COP1: variants seen among roughly 807,000 people sequenced by gnomAD.
The protein encoded by COP1 is COP1 E3 ubiquitin ligase, also known as E3 ubiquitin-protein ligase COP1.
In COP1, 24 loss-of-function variants were observed where a neutral mutation model predicts 101.3. That is an observed-to-expected ratio of 0.24 (90% CI 0.17 to 0.33). The LOEUF is 0.33. Among genes scored for constraint, COP1 ranks in the 10% least tolerant of loss-of-function variants. COP1 has a pLI of 1.00. For synonymous variants in COP1, 347 were observed against 341.9 expected (o/e 1.01, Z -0.17); for missense variants, 663 against 906.2 (o/e 0.73, Z 3.45).
At chr1:175,953,591 T>TA in intron 18 of COP1, among the ~76,000 whole-genome samples, 1 of 151,562 alleles carries the variant, frequency 6.6e-6, no homozygotes, top group Non-Finnish European at 1.5e-5. Flanking sequence ...GACCCTGTCT[T>TA]AAAAAAATAA....
chr1:176,095,245 A>T (rs1682115814), intron 9 of COP1, among the ~76,000 whole-genome samples: 1 of 152,248 alleles, frequency 6.6e-6, no homozygotes, highest in South Asian at 2.1e-4. Flanking sequence ...AGATTTAATG[A>T]CTAGCTTTAA....
At chr1:176,163,043 A>G in intron 4 of COP1, 55 bp from the exon 5 acceptor site, 1 of 1,509,184 alleles carries the variant, frequency 6.6e-7, no homozygotes, top group East Asian at 2.3e-5. Context: ...TGTTTTAGAG[A>G]CTAAAACAAA....
rs116618089 is a variant in COP1, at chr1:175,984,967, G to A, written c.2133+1976C>T. Among the ~76,000 whole-genome samples, 1,013 of 152,248 alleles carry A rather than the reference G, an allele frequency of 6.7e-3. 9 individuals carry two copies. The highest frequency in any genetic ancestry group is 0.023 in the African/African-American group (961 of 41,538). ...TGCTGATGATTTTACAGACTCATAGGCAGAAGGGACTTGGCTTATCTCAGA... is the reference window on the plus strand; with the variant it reads ...TGCTGATGATTTTACAGACTCATAGACAGAAGGGACTTGGCTTATCTCAGA... On this transcript the variant is annotated intron_variant, in intron 18 of 19. Coordinates refer to ENST00000367669, the MANE Select transcript of COP1 (RefSeq NM_022457.7).
At chr1:176,118,688 C>G (rs1686605569) in intron 8 of COP1, among the ~76,000 whole-genome samples, 1 of 152,100 alleles carries the variant, frequency 6.6e-6, no homozygotes, top group Non-Finnish European at 1.5e-5. Context: ...CTCAAATGGT[C>G]AAGGCTGCAA....
chr1:176,173,986 C>CAAAAAAAAAAAAAAAAAAAA (rs1212803591), intron 3 of COP1, among the ~76,000 whole-genome samples: 7 of 49,074 alleles, frequency 1.4e-4, no homozygotes, highest in African/African-American at 4.7e-4. Context: ...GATGCTGTCT[C>CAAAAAAAAAAAAAAAAAAAA]AAAAAAAAAA....
intron 15 of COP1, among the ~76,000 whole-genome samples, chr1:176,003,095 T>C (rs1364322139): frequency 8.5e-4 from 127 of 148,882 alleles, no homozygotes; most frequent in Non-Finnish European, 1.4e-3. Flanking sequence ...ATTTGCATTT[T>C]TCTGATGGCC....
At chr1:175,960,840 T>C (rs753610027) in intron 18 of COP1, among the ~76,000 whole-genome samples, 1 of 152,204 alleles carries the variant, frequency 6.6e-6, no homozygotes, top group Non-Finnish European at 1.5e-5. Context: ...AAAGGGATAC[T>C]TAGAGAACTG....
intron 8 of COP1, among the ~76,000 whole-genome samples, chr1:176,123,616 T>C (rs1687503225): frequency 6.6e-6 from 1 of 152,176 alleles, no homozygotes; most frequent in Admixed American, 6.5e-5. Flanking sequence ...ACTTGATTTT[T>C]AACTTTTCCG....
chr1:176,126,466 CTTT>C (rs1173236389), intron 8 of COP1, among the ~76,000 whole-genome samples: 1 of 151,054 alleles, frequency 6.6e-6, no homozygotes, highest in Non-Finnish European at 1.5e-5. Flanking sequence ...TTTTTCTTTT[CTTT>C]TTTTTTGAGA....
At chr1:176,103,491 G>A (rs971099780) in intron 9 of COP1, among the ~76,000 whole-genome samples, 1 of 152,190 alleles carries the variant, frequency 6.6e-6, no homozygotes, top group Admixed American at 6.5e-5. Flanking sequence ...TGGAAGCTCT[G>A]CAAACCATCC....
chr1:176,059,648 T>C (rs1674498680), intron 11 of COP1, among the ~76,000 whole-genome samples: 1 of 151,854 alleles, frequency 6.6e-6, no homozygotes, highest in Non-Finnish European at 1.5e-5. Flanking sequence ...ACACCTGGCT[T>C]ATTTTTGTAT....
At chr1:176,044,079 C>A (rs1671087872) in intron 12 of COP1, among the ~76,000 whole-genome samples, 1 of 152,176 alleles carries the variant, frequency 6.6e-6, no homozygotes, top group South Asian at 2.1e-4. Flanking sequence ...CTAGAGCTAT[C>A]ACTGGCCATC....
chr1:176,001,788 T>C (rs1462748143), intron 15 of COP1, among the ~76,000 whole-genome samples: 1 of 152,116 alleles, frequency 6.6e-6, no homozygotes. Context: ...GTAGGTCTCC[T>C]GACAAAGAAC....
intron 8 of COP1, among the ~76,000 whole-genome samples, chr1:176,124,980 T>C (rs1159363767): frequency 1.3e-5 from 2 of 152,224 alleles, no homozygotes; most frequent in Non-Finnish European, 2.9e-5. Context: ...TGAGATGATA[T>C]TTCATTGTAG....
At chr1:175,961,373 T>G (rs956530484) in intron 18 of COP1, among the ~76,000 whole-genome samples, 5 of 152,154 alleles carry the variant, frequency 3.3e-5, no homozygotes, top group Admixed American at 6.5e-5. Context: ...GACTTTGGCA[T>G]GAAGTTTATT....
chr1:176,098,090 C>T (rs545352916), intron 9 of COP1, among the ~76,000 whole-genome samples: 204 of 152,156 alleles, frequency 1.3e-3, no homozygotes, highest in Middle Eastern at 0.01. Context: ...ATTAGGTTTG[C>T]TAAATGTTTT....
intron 15 of COP1, among the ~76,000 whole-genome samples, chr1:175,998,492 G>GAA (rs199590653): frequency 6.8e-6 from 1 of 147,308 alleles, no homozygotes; most frequent in African/African-American, 2.5e-5. Flanking sequence ...AGAAAAAAAA[G>GAA]AAAAAAAAAT....
chr1:175,994,736 T>C (rs528216773), intron 15 of COP1, among the ~76,000 whole-genome samples: 5 of 152,238 alleles, frequency 3.3e-5, no homozygotes, highest in East Asian at 1.9e-4. Flanking sequence ...AGCACCCAGA[T>C]TCATAAAGCA....
At chr1:175,987,609 T>C (rs948394552) in intron 17 of COP1, among the ~76,000 whole-genome samples, 3 of 152,202 alleles carry the variant, frequency 2.0e-5, no homozygotes, top group African/African-American at 7.2e-5. Flanking sequence ...TAATGGTCTA[T>C]GAACTGTATT....
Sources: gnomAD v4.1 joint callset for allele counts (sites outside exome capture counted in the v4.1 genomes callset) on GRCh38, gnomAD v4.1.1 for gene constraint, MANE v1.5 for transcripts, NCBI Gene and HGNC (gene_info 2026-07-23, HGNC 2026-07-21) for gene names.